The following KIAA1217 variants were observed in gnomAD, a reference collection of about 807,000 sequenced individuals.
KIAA1217 encodes sickle tail protein homolog.
A neutral mutation model predicts 163.9 loss-of-function variants in KIAA1217; 88 were observed. That is an observed-to-expected ratio of 0.54 (90% CI 0.45 to 0.64). The LOEUF (loss-of-function observed/expected upper bound fraction) is 0.64. Among genes scored for constraint, KIAA1217 ranks in the 30% least tolerant of loss-of-function variants. The pLI is 0.00. For missense variants in KIAA1217, 2,372 were observed against 2,475.0 expected (o/e 0.96, Z 0.88); for synonymous variants, 903 against 923.1 (o/e 0.98, Z 0.39).
chr10:23,865,083 G>C lies in KIAA1217; in HGVS notation c.-320-142142G>C, dbSNP rs192612882. Among the ~76,000 whole-genome samples, 375 of 152,274 alleles carry C rather than the reference G, an allele frequency of 2.5e-3. 2 individuals are homozygous for C. The highest frequency in any genetic ancestry group is 8.6e-3 in the African/African-American group (358 of 41,562). Reference sequence around the variant, plus strand: ...TATCTGGAAACCACAGGCTATAAAAGTTGACCCATAAAATTACCACCACAG... The same window carrying C: ...TATCTGGAAACCACAGGCTATAAAACTTGACCCATAAAATTACCACCACAG... On this transcript the variant is annotated intron_variant, in intron 1 of 18. Transcript: ENST00000376462.
At chr10:23,879,244 C>T (rs1204820936) in intron 1 of KIAA1217, among the ~76,000 whole-genome samples, 2 of 151,800 alleles carry the variant, frequency 1.3e-5, no homozygotes, top group African/African-American at 2.4e-5. Context: ...TTTTAAAAAC[C>T]TCCCGGATGA....
chr10:23,924,981 G>A (rs374903380), intron 1 of KIAA1217, among the ~76,000 whole-genome samples: 2 of 151,948 alleles, frequency 1.3e-5, no homozygotes, highest in African/African-American at 4.8e-5. Context: ...AGCCAAAATA[G>A]CATTATTTTG....
chr10:23,883,055 G>T (rs1841019168), intron 1 of KIAA1217, among the ~76,000 whole-genome samples: 1 of 151,760 alleles, frequency 6.6e-6, no homozygotes, highest in Admixed American at 6.6e-5. Flanking sequence ...TTAGCTTCAT[G>T]CACCATTTGT....
chr10:23,743,983 A>G (rs917989272), intron 1 of KIAA1217, among the ~76,000 whole-genome samples: 1 of 152,160 alleles, frequency 6.6e-6, no homozygotes, highest in Admixed American at 6.5e-5. Flanking sequence ...CTTCAGAAAA[A>G]TGCTAACATT....
At chr10:23,877,239 G>C (rs140197125) in intron 1 of KIAA1217, among the ~76,000 whole-genome samples, 16 of 152,098 alleles carry the variant, frequency 1.1e-4, no homozygotes, top group African/African-American at 3.9e-4. Flanking sequence ...CCCATTGGCT[G>C]TCTTCTCACA....
chr10:24,224,093 C>T (rs7918581), intron 2 of KIAA1217, among the ~76,000 whole-genome samples: 72 of 152,258 alleles, frequency 4.7e-4, no homozygotes, highest in African/African-American at 1.7e-3. Context: ...TAACTCCCTT[C>T]TACAGTCTTC....
intron 8 of KIAA1217, among the ~76,000 whole-genome samples, chr10:24,496,611 T>C (rs917230688): frequency 2.0e-5 from 3 of 152,230 alleles, no homozygotes; most frequent in African/African-American, 7.2e-5. Context: ...GCACTTTTCA[T>C]GCATTCACTC....
chr10:24,361,961 C>T (rs1395168453), intron 2 of KIAA1217, among the ~76,000 whole-genome samples: 6 of 121,182 alleles, frequency 5.0e-5, no homozygotes, highest in South Asian at 2.6e-4. Context: ...CCAGCCTGGG[C>T]GACACAGCGA....
At chr10:23,997,825 C>T (rs1360325299) in intron 1 of KIAA1217, among the ~76,000 whole-genome samples, 1 of 152,034 alleles carries the variant, frequency 6.6e-6, no homozygotes, top group African/African-American at 2.4e-5. Flanking sequence ...CTTGTGTCTC[C>T]CTCTCAGTGC....
At chr10:24,116,610 TC>T (rs2131761024) in intron 2 of KIAA1217, among the ~76,000 whole-genome samples, 1 of 152,292 alleles carries the variant, frequency 6.6e-6, no homozygotes, top group East Asian at 1.9e-4. Context: ...AGTTTGTGGA[TC>T]CCTGATGTAG....
At chr10:23,741,309 C>T (rs995662390) in intron 1 of KIAA1217, among the ~76,000 whole-genome samples, 4 of 152,174 alleles carry the variant, frequency 2.6e-5, no homozygotes, top group African/African-American at 9.7e-5. Flanking sequence ...ATCCTGGATC[C>T]AGCCATGCCT....
Position 23,940,184 on chromosome 10 carries a change from G to A in KIAA1217, c.-320-67041G>A, listed in dbSNP as rs577965268. ...ATTAGAAATTTCAGCAGTTGGCTGA[G>A]TGCAGTGGCTCACGCCTGTAATCCC... On this transcript the variant is annotated intron_variant, in intron 1 of 18. Transcript: ENST00000376462. 4.9e-4 allele frequency among the ~76,000 whole-genome samples: 75 copies of A among 152,082 alleles called. 2 individuals are homozygous for A. The South Asian group carries it at 0.014, about 28-fold the overall frequency.
At chr10:23,966,375 T>A (rs1054838520) in intron 1 of KIAA1217, among the ~76,000 whole-genome samples, 1 of 152,090 alleles carries the variant, frequency 6.6e-6, no homozygotes, top group Admixed American at 6.6e-5. Context: ...GAGCACTGTT[T>A]GGAGAAAGTT....
At chr10:24,072,974 C>T (rs1376265107) in intron 2 of KIAA1217, among the ~76,000 whole-genome samples, 1 of 151,402 alleles carries the variant, frequency 6.6e-6, no homozygotes, top group Non-Finnish European at 1.5e-5. Flanking sequence ...GGGAGCATCA[C>T]TTGAGCCTGG....
At chr10:24,047,242 G>C (rs745901516) in intron 2 of KIAA1217, among the ~76,000 whole-genome samples, 8 of 152,026 alleles carry the variant, frequency 5.3e-5, no homozygotes, top group Non-Finnish European at 7.4e-5. Context: ...TGCACACACA[G>C]CATACAATTC....
At chr10:24,122,576 A>G (rs1445881687) in intron 2 of KIAA1217, among the ~76,000 whole-genome samples, 2 of 152,150 alleles carry the variant, frequency 1.3e-5, no homozygotes, top group Non-Finnish European at 2.9e-5. Context: ...AAATTCAGAA[A>G]TACTATCCTC....
At chr10:23,852,689 A>C (rs376288870) in intron 1 of KIAA1217, among the ~76,000 whole-genome samples, 4,135 of 151,998 alleles carry the variant, frequency 0.027, 78 homozygotes, top group Middle Eastern at 0.044. Flanking sequence ...CTTTTATTTC[A>C]TTGAGCAGTG....
chr10:24,493,684 G>A (rs529249898), intron 6 of KIAA1217, among the ~76,000 whole-genome samples: 9 of 152,112 alleles, frequency 5.9e-5, no homozygotes, highest in Non-Finnish European at 7.4e-5. Context: ...AGGGATATTC[G>A]TGTTCCTGCG....
chr10:23,701,450 GC>G (rs1836443645), intron 1 of KIAA1217, among the ~76,000 whole-genome samples: 1 of 152,090 alleles, frequency 6.6e-6, no homozygotes, highest in Admixed American at 6.6e-5. Context: ...AAATGGGTTG[GC>G]CACCTGTCTT....
Sources: allele counts gnomAD v4.1 joint callset (sites outside exome capture counted in the v4.1 genomes callset), GRCh38; gene constraint gnomAD v4.1.1; transcripts MANE v1.5; gene names NCBI Gene and HGNC (gene_info 2026-07-23, HGNC 2026-07-21).